Variants in CHN1 observed in about 807,000 individuals in gnomAD.
CHN1 encodes the protein N-chimaerin.
A neutral mutation model predicts 59.5 loss-of-function variants in CHN1; 37 were observed. The ratio of observed to expected loss-of-function variants is 0.62; its 90% CI spans 0.48 to 0.82. The LOEUF (loss-of-function observed/expected upper bound fraction) is 0.82. CHN1 is among the 40% of genes least tolerant of loss of function. CHN1 has a pLI of 0.00. For synonymous variants in CHN1, 206 were observed against 200.4 expected (o/e 1.03, Z -0.24); for missense variants, 469 against 571.0 (o/e 0.82, Z 1.82).
chr2:174,887,396 T>G (rs2054139), intron 5 of CHN1, among the ~76,000 whole-genome samples: 49,631 of 152,028 alleles, frequency 0.33, 9,422 homozygotes, highest in Admixed American at 0.46. Flanking sequence ...ATTTCTGTGT[T>G]TATTTTAATA....
At chr2:174,823,121 A>T (rs978458442) in intron 8 of CHN1, among the ~76,000 whole-genome samples, 7 of 152,250 alleles carry the variant, frequency 4.6e-5, no homozygotes, top group African/African-American at 1.7e-4. Context: ...CATAATGGAC[A>T]ACAAAAATAT....
At position 174,906,964 on chromosome 2, in the gene CHN1, T is replaced by C. The variant is rs1688561182; in HGVS notation, c.260+8094A>G. On this transcript the variant is annotated intron_variant, in intron 5 of 12. Coordinates refer to ENST00000409900, the MANE Select transcript of CHN1 (RefSeq NM_001822.7). Reference sequence around the variant, plus strand: ...CTGAATTTACCAAACAGAAGAAACCTTGTAGATTTTCTTCCGTCTTTTCCT... The same window carrying C: ...CTGAATTTACCAAACAGAAGAAACCCTGTAGATTTTCTTCCGTCTTTTCCT... 2.0e-5 allele frequency among the ~76,000 whole-genome samples: 3 copies of C among 152,174 alleles called. No homozygotes were observed. The South Asian group carries it at 6.2e-4, about 32-fold the overall frequency.
chr2:174,837,580 A>T lies in CHN1; in HGVS notation c.627+9300T>A, dbSNP rs934858771. ...AAAGAACATAAAAATATAGAAAATA[A>T]GCAGCTGATGATATGGTGGTTCTTC... On this transcript the variant is annotated intron_variant, in intron 7 of 12. Coordinates refer to ENST00000409900, the MANE Select transcript of CHN1 (RefSeq NM_001822.7). Among the ~76,000 whole-genome samples the T allele has an allele frequency of 3.3e-5, 5 of 152,234 alleles. No individual in the cohort carries two copies. In the South Asian group the frequency reaches 1.0e-3, roughly 32 times the overall value.
chr2:174,857,397 A>G (rs1574095470), intron 6 of CHN1, among the ~76,000 whole-genome samples: 1 of 152,072 alleles, frequency 6.6e-6, no homozygotes. Context: ...CTTAAAGTTA[A>G]TTCATAAGAT....
intron 6 of CHN1, among the ~76,000 whole-genome samples, chr2:174,864,776 T>C (rs764236661): frequency 8.5e-5 from 13 of 152,062 alleles, no homozygotes; most frequent in South Asian, 2.1e-4. Flanking sequence ...GGTAGGAGGA[T>C]TGCTTTAGTC....
At chr2:174,886,443 A>G (rs1486837004) in intron 5 of CHN1, among the ~76,000 whole-genome samples, 3 of 152,202 alleles carry the variant, frequency 2.0e-5, no homozygotes, top group African/African-American at 7.2e-5. Flanking sequence ...CTAGTTTTAT[A>G]TTTCTAAATC....
chr2:174,957,400 T>C (rs1690241122), intron 1 of CHN1, among the ~76,000 whole-genome samples: 1 of 137,188 alleles, frequency 7.3e-6, no homozygotes, highest in Non-Finnish European at 1.6e-5. Context: ...TACTTCTCTG[T>C]GATTATTTGC....
At chr2:174,921,674 CTT>C (rs1689021350) in intron 3 of CHN1, among the ~76,000 whole-genome samples, 1 of 151,894 alleles carries the variant, frequency 6.6e-6, no homozygotes, top group Non-Finnish European at 1.5e-5. Context: ...TTTCAGGAAA[CTT>C]ACAATTATGG....
At chr2:174,879,216 A>C (rs2105335000) in intron 5 of CHN1, among the ~76,000 whole-genome samples, 1 of 152,374 alleles carries the variant, frequency 6.6e-6, no homozygotes, top group East Asian at 1.9e-4. Flanking sequence ...CTTGTTATAT[A>C]ACAAAATTGT....
intron 6 of CHN1, among the ~76,000 whole-genome samples, chr2:174,865,436 C>T (rs1687188377): frequency 6.6e-6 from 1 of 152,148 alleles, no homozygotes; most frequent in African/African-American, 2.4e-5. Flanking sequence ...AGAGGATGCA[C>T]TATTAAGACA....
chr2:174,895,032 T>TAC (rs200345010), intron 5 of CHN1, among the ~76,000 whole-genome samples: 12 of 145,048 alleles, frequency 8.3e-5, no homozygotes, highest in East Asian at 7.8e-4. Flanking sequence ...ACATAGTATA[T>TAC]ACACACACAC....
intron 1 of CHN1, among the ~76,000 whole-genome samples, chr2:175,000,299 G>A (rs1691850260): frequency 6.6e-6 from 1 of 151,542 alleles, no homozygotes; most frequent in Non-Finnish European, 1.5e-5. Context: ...GTGCCACCAT[G>A]CCAGGCTAAT....
chr2:174,836,613 T>C (rs535823268), intron 7 of CHN1, among the ~76,000 whole-genome samples: 1 of 152,298 alleles, frequency 6.6e-6, no homozygotes, highest in South Asian at 2.1e-4. Flanking sequence ...AATAGGTGAT[T>C]TCATTTGACA....
At chr2:174,834,885 A>C (rs1213498828) in intron 7 of CHN1, among the ~76,000 whole-genome samples, 1 of 152,242 alleles carries the variant, frequency 6.6e-6, no homozygotes, top group East Asian at 1.9e-4. Context: ...CAAAACTATA[A>C]ACACATTATG....
intron 7 of CHN1, among the ~76,000 whole-genome samples, chr2:174,836,565 C>T (rs1443772382): frequency 6.6e-6 from 1 of 152,192 alleles, no homozygotes; most frequent in Non-Finnish European, 1.5e-5. Flanking sequence ...GTTACATTAA[C>T]ACTGTCATAT....
intron 1 of CHN1, among the ~76,000 whole-genome samples, chr2:174,959,642 A>T (rs1173767033): frequency 2.6e-5 from 4 of 152,206 alleles, no homozygotes; most frequent in African/African-American, 9.7e-5. Context: ...CACTGGCAAG[A>T]AGAGGCAGAG....
chr2:174,823,232 T>C (rs1685560351), intron 8 of CHN1, among the ~76,000 whole-genome samples: 1 of 152,244 alleles, frequency 6.6e-6, no homozygotes, highest in South Asian at 2.1e-4. Flanking sequence ...GTATATTTTT[T>C]AGTGTAAAGC....
chr2:175,005,252 C>A lies in CHN1; in HGVS notation c.-340G>T. ...CGCGGCGCAGTGGCTGGCGGAGAGGCGGCGCCGCACTGGCGGCGGCGGCGG... is the reference window on the plus strand; with the variant it reads ...CGCGGCGCAGTGGCTGGCGGAGAGGAGGCGCCGCACTGGCGGCGGCGGCGG... On this transcript the variant is annotated 5_prime_UTR_variant, in exon 1 of 13. Coordinates refer to ENST00000409900, the MANE Select transcript of CHN1 (RefSeq NM_001822.7). The A allele has an allele frequency of 8.6e-7, 1 of 1,169,308 alleles. No homozygotes were observed. The highest frequency in any genetic ancestry group is 1.1e-6 in the Non-Finnish European group (1 of 945,682). The allele number at this position is 1,169,308 out of a possible 1,614,324, so 72.4% of individuals were successfully genotyped here. A position where few individuals can be genotyped will look rare whatever the true frequency, so the allele number is the denominator to read the frequency against.
intron 1 of CHN1, among the ~76,000 whole-genome samples, chr2:174,965,950 TAATGA>T (rs1236348010): frequency 6.6e-6 from 1 of 152,194 alleles, no homozygotes; most frequent in Non-Finnish European, 1.5e-5. Flanking sequence ...CCAAGCTCTT[TAATGA>T]AGTTTCTTGG....
Sources: gnomAD v4.1 joint callset for allele counts (sites outside exome capture counted in the v4.1 genomes callset) on GRCh38, gnomAD v4.1.1 for gene constraint, MANE v1.5 for transcripts, NCBI Gene and HGNC (gene_info 2026-07-23, HGNC 2026-07-21) for gene names.